Variants in ARHGAP24 observed in about 807,000 individuals in gnomAD.
ARHGAP24 encodes the protein rho GTPase-activating protein 24.
A neutral mutation model predicts 76.4 loss-of-function variants in ARHGAP24; 50 were observed. The ratio of observed to expected loss-of-function variants is 0.65; its 90% confidence interval spans 0.52 to 0.83. The LOEUF (loss-of-function observed/expected upper bound fraction) is 0.83, where lower values mean the gene tolerates loss of function less well. Ranked by LOEUF, ARHGAP24 falls within the 40% of genes least tolerant of loss-of-function variation. The probability of loss-of-function intolerance (pLI) is 0.00; values close to 1 mark genes in which losing one functional copy is unlikely to be tolerated. For missense variants in ARHGAP24, 930 were observed against 914.2 expected, an observed-to-expected ratio of 1.02 and a Z score of -0.22; for synonymous variants, 345 against 323.3, an observed-to-expected ratio of 1.07 and a Z score of -0.72.
chr4:85,662,019 T>G (rs557475862), intron 2 of ARHGAP24, among the ~76,000 whole-genome samples: 13 of 152,358 alleles, frequency 8.5e-5, no homozygotes, highest in African/African-American at 3.1e-4. Context: ...TTGTAGTCCT[T>G]TGGGTATATA....
intron 3 of ARHGAP24, among the ~76,000 whole-genome samples, chr4:85,853,094 G>A (rs1216978008): frequency 2.6e-5 from 4 of 152,238 alleles, no homozygotes; most frequent in Admixed American, 6.5e-5. Flanking sequence ...GGAGTCTATA[G>A]AGGCAGCAAG....
chr4:85,803,824 CTCCTAATGGTTCTGAAACATATT>C (rs1368598081), intron 3 of ARHGAP24, among the ~76,000 whole-genome samples: 1 of 152,152 alleles, frequency 6.6e-6, no homozygotes, highest in Non-Finnish European at 1.5e-5. Context: ...GAGTCAGAGG[CTCCTAATGGTTCTGAAACATATT>C]TTCCTTCATA....
intron 3 of ARHGAP24, chr4:85,778,701 A>G (rs1202317721): frequency 2.0e-6 from 2 of 985,124 alleles, no homozygotes; most frequent in African/African-American, 3.5e-5. Context: ...TTTCTTCAAT[A>G]TATGGGATGG....
intron 3 of ARHGAP24, among the ~76,000 whole-genome samples, chr4:85,862,887 A>G (rs545936511): frequency 6.6e-6 from 1 of 152,284 alleles, no homozygotes; most frequent in African/African-American, 2.4e-5. Context: ...TGCTATTACT[A>G]TGGCACAAGC....
intron 1 of ARHGAP24, among the ~76,000 whole-genome samples, chr4:85,486,280 G>T (rs1723045797): frequency 6.7e-6 from 1 of 148,338 alleles, no homozygotes; most frequent in African/African-American, 2.5e-5. Flanking sequence ...GTATGAGGGT[G>T]TTTTTTTTTT....
At chr4:85,623,458 C>T (rs1560557387) in intron 2 of ARHGAP24, among the ~76,000 whole-genome samples, 1 of 151,934 alleles carries the variant, frequency 6.6e-6, no homozygotes, top group Non-Finnish European at 1.5e-5. Context: ...TGGTCTATAT[C>T]TCTGTTTTGG....
At chr4:85,487,866 A>C (rs910763774) in intron 1 of ARHGAP24, among the ~76,000 whole-genome samples, 1 of 124,180 alleles carries the variant, frequency 8.1e-6, no homozygotes, top group African/African-American at 3.1e-5. Flanking sequence ...TATATATATT[A>C]TATAAATATA....
intron 2 of ARHGAP24, among the ~76,000 whole-genome samples, chr4:85,593,409 C>T (rs1459548249): frequency 6.6e-6 from 1 of 152,114 alleles, no homozygotes; most frequent in East Asian, 1.9e-4. Context: ...TGTGGGTTGT[C>T]TCTTCACTTT....
chr4:85,779,803 C>T (rs887678692), intron 3 of ARHGAP24, among the ~76,000 whole-genome samples: 4 of 152,084 alleles, frequency 2.6e-5, no homozygotes, highest in Admixed American at 6.5e-5. Flanking sequence ...ACTCTTTCCC[C>T]GAGGCCCTGG....
At chr4:85,810,680 A>G (rs1411270543) in intron 3 of ARHGAP24, among the ~76,000 whole-genome samples, 1 of 152,162 alleles carries the variant, frequency 6.6e-6, no homozygotes, top group Non-Finnish European at 1.5e-5. Context: ...TTTAATGAAA[A>G]CATTAGATTG....
chr4:85,589,976 G>A (rs1728016413), intron 2 of ARHGAP24, among the ~76,000 whole-genome samples: 1 of 152,102 alleles, frequency 6.6e-6, no homozygotes, highest in African/African-American at 2.4e-5. Context: ...TTACTAATAT[G>A]TGCATTTTGC....
intron 3 of ARHGAP24, among the ~76,000 whole-genome samples, chr4:85,853,875 A>C (rs1185006773): frequency 6.6e-6 from 1 of 151,998 alleles, no homozygotes; most frequent in Non-Finnish European, 1.5e-5. Flanking sequence ...AATCACTTGA[A>C]CCTGGGAGGT....
At chr4:85,548,945 CTCA>C (rs1726020867) in intron 1 of ARHGAP24, among the ~76,000 whole-genome samples, 1 of 152,064 alleles carries the variant, frequency 6.6e-6, no homozygotes, top group Non-Finnish European at 1.5e-5. Flanking sequence ...GCTTCTTTCA[CTCA>C]TTATAATGAC....
At chr4:85,959,643 A>G (rs746892482) in intron 5 of ARHGAP24, among the ~76,000 whole-genome samples, 6 of 152,258 alleles carry the variant, frequency 3.9e-5, no homozygotes, top group Non-Finnish European at 8.8e-5. Context: ...TTTGGCTATT[A>G]TCAATAAGAT....
intron 3 of ARHGAP24, among the ~76,000 whole-genome samples, chr4:85,724,111 A>G (rs541505514): frequency 1.3e-5 from 2 of 152,112 alleles, no homozygotes; most frequent in African/African-American, 2.4e-5. Context: ...TGTGTATAGA[A>G]CCCTCGGCAG....
At chr4:85,622,796 G>C (rs1363030023) in intron 2 of ARHGAP24, among the ~76,000 whole-genome samples, 3 of 152,156 alleles carry the variant, frequency 2.0e-5, no homozygotes, top group African/African-American at 4.8e-5. Context: ...ATTCTAACTG[G>C]TGTGAGATGA....
intron 2 of ARHGAP24, among the ~76,000 whole-genome samples, chr4:85,632,967 G>A (rs540388973): frequency 9.2e-5 from 14 of 151,796 alleles, no homozygotes; most frequent in Non-Finnish European, 1.8e-4. Context: ...GTTCCAATGG[G>A]TAACATTTTT....
At chr4:85,745,944 A>T (rs776870212) in intron 3 of ARHGAP24, among the ~76,000 whole-genome samples, 36 of 152,218 alleles carry the variant, frequency 2.4e-4, no homozygotes, top group Non-Finnish European at 4.0e-4. Context: ...CTGTAGCCTG[A>T]CAGTCCAGTG....
At chr4:85,720,657 G>T (rs927705772) in intron 2 of ARHGAP24, among the ~76,000 whole-genome samples, 5 of 152,166 alleles carry the variant, frequency 3.3e-5, no homozygotes, top group African/African-American at 1.2e-4. Flanking sequence ...GGATGAGATA[G>T]CCTGGAGAAA....
Sources: gnomAD v4.1 joint callset for allele counts (sites outside exome capture counted in the v4.1 genomes callset) on GRCh38, gnomAD v4.1.1 for gene constraint, MANE v1.5 for transcripts, NCBI Gene and HGNC (gene_info 2026-07-23, HGNC 2026-07-21) for gene names.